The following MCTP1 variants were observed in gnomAD, a reference collection of about 807,000 sequenced individuals.
MCTP1 encodes multiple C2 and transmembrane domain-containing protein 1.
In MCTP1, 69 loss-of-function variants were observed where a neutral mutation model predicts 120.6. The ratio of observed to expected loss-of-function variants is 0.57; its 90% confidence interval spans 0.47 to 0.70. The LOEUF (loss-of-function observed/expected upper bound fraction) is 0.70. Ranked by LOEUF, MCTP1 falls within the 30% of genes least tolerant of loss-of-function variation. The pLI is 0.00. For missense variants in MCTP1, 1,203 were observed against 1,248.8 expected, an observed-to-expected ratio of 0.96 and a Z score of 0.55; for synonymous variants, 529 against 493.1, an observed-to-expected ratio of 1.07 and a Z score of -0.96.
chr5:95,170,643 T>G (rs568756039), intron 1 of MCTP1, among the ~76,000 whole-genome samples: 67 of 152,344 alleles, frequency 4.4e-4, no homozygotes, highest in African/African-American at 1.6e-3. Context: ...CTTGTTGAAT[T>G]GATCCCTTTA....
At chr5:94,942,252 A>C in intron 4 of MCTP1, 96 bp downstream of exon 4, 1 of 870,564 alleles carries the variant, frequency 1.1e-6, no homozygotes, top group Admixed American at 2.0e-5. Flanking sequence ...CACCACTATA[A>C]ATGACAGAAC....
At chr5:94,870,546 G>A in intron 15 of MCTP1, 55 bp from the exon 16 acceptor site, 3 of 1,270,208 alleles carry the variant, frequency 2.4e-6, no homozygotes, top group Non-Finnish European at 3.4e-6. Context: ...ATGTTTACAA[G>A]TTTTTCACGC....
chr5:95,171,465 T>G lies in MCTP1; in HGVS notation c.720+112391A>C, dbSNP rs539832240. Reference sequence around the variant, plus strand: ...GAATTTGAATGTTGGCCTGCCTTGCTAGGTTGGGGAAGTTCTCCTGGATAA... The same window carrying G: ...GAATTTGAATGTTGGCCTGCCTTGCGAGGTTGGGGAAGTTCTCCTGGATAA... On this transcript the variant is annotated intron_variant, in intron 1 of 22. Transcript: ENST00000515393. Among the ~76,000 whole-genome samples the G allele has an allele frequency of 4.3e-3, 654 of 152,350 alleles. 5 individuals carry two copies. Among genetic ancestry groups the G allele is most frequent in the African/African-American group, 0.015 (612 of 41,580 alleles).
intron 1 of MCTP1, among the ~76,000 whole-genome samples, chr5:95,086,338 C>T (rs1232149729): frequency 6.6e-6 from 1 of 152,048 alleles, no homozygotes; most frequent in Non-Finnish European, 1.5e-5. Flanking sequence ...AAGAAAAATA[C>T]TTGGAGGCAG....
chr5:94,740,465 A>G (rs922169416), intron 19 of MCTP1, among the ~76,000 whole-genome samples: 1 of 152,224 alleles, frequency 6.6e-6, no homozygotes, highest in Admixed American at 6.5e-5. Context: ...GGGGAAATCT[A>G]GAAGTTAAGT....
chr5:95,231,955 C>A (rs1047952176), intron 1 of MCTP1, among the ~76,000 whole-genome samples: 1 of 152,002 alleles, frequency 6.6e-6, no homozygotes, highest in African/African-American at 2.4e-5. Context: ...AACCTTAGTT[C>A]TTTTGTCATT....
intron 1 of MCTP1, among the ~76,000 whole-genome samples, chr5:95,099,008 A>G (rs1490338338): frequency 6.6e-6 from 1 of 152,058 alleles, no homozygotes; most frequent in Non-Finnish European, 1.5e-5. Flanking sequence ...CCTGAGAAAA[A>G]CAAGCAATGG....
intron 19 of MCTP1, among the ~76,000 whole-genome samples, chr5:94,742,037 G>A (rs552331650): frequency 2.0e-5 from 3 of 152,166 alleles, no homozygotes; most frequent in African/African-American, 7.2e-5. Context: ...GTGTTTGAAC[G>A]ACACTGTATA....
intron 19 of MCTP1, among the ~76,000 whole-genome samples, chr5:94,742,219 CTAT>C (rs1384127795): frequency 4.6e-5 from 7 of 151,972 alleles, no homozygotes; most frequent in Non-Finnish European, 8.8e-5. Context: ...TTTAAATTTT[CTAT>C]TATTATTTTT....
At chr5:95,039,003 GTT>G (rs5869668) in intron 1 of MCTP1, among the ~76,000 whole-genome samples, 5 of 147,866 alleles carry the variant, frequency 3.4e-5, no homozygotes, top group Admixed American at 6.7e-5. Context: ...GGTTCTGGTA[GTT>G]TTTTTTTTTC....
At chr5:94,950,863 C>T (rs1017900015) in intron 3 of MCTP1, among the ~76,000 whole-genome samples, 4 of 150,332 alleles carry the variant, frequency 2.7e-5, no homozygotes, top group East Asian at 2.0e-4. Context: ...AGGAGAAAGG[C>T]GTGAACTCAG....
At chr5:94,822,901 G>T (rs555167322) in intron 17 of MCTP1, among the ~76,000 whole-genome samples, 20 of 151,296 alleles carry the variant, frequency 1.3e-4, no homozygotes, top group Non-Finnish European at 2.4e-4. Context: ...TTTTGATGGG[G>T]TTTTTTCTTG....
chr5:94,851,386 A>G (rs140139196), intron 17 of MCTP1, among the ~76,000 whole-genome samples: 207 of 152,128 alleles, frequency 1.4e-3, no homozygotes, highest in African/African-American at 4.8e-3. Context: ...ACAACATCTG[A>G]AAAGGTAGAG....
chr5:94,733,914 A>G (rs1367891809), intron 19 of MCTP1, among the ~76,000 whole-genome samples: 1 of 151,752 alleles, frequency 6.6e-6, no homozygotes, highest in Non-Finnish European at 1.5e-5. Flanking sequence ...CAGTGAGCCC[A>G]GATCGTGCCA....
At chr5:94,924,562 G>A (rs1561867025) in intron 6 of MCTP1, among the ~76,000 whole-genome samples, 1 of 152,142 alleles carries the variant, frequency 6.6e-6, no homozygotes. Context: ...AAAAAGGAAT[G>A]AATACTGAGA....
In MCTP1 at chr5:94,955,179, C is replaced by T. The variant is rs888594217; in HGVS notation, c.839-1818G>A. Among the ~76,000 whole-genome samples the T allele has an allele frequency of 2.3e-4, 35 of 152,176 alleles. 1 individual carries two copies. Among genetic ancestry groups the T allele is most frequent in the Non-Finnish European group, 2.6e-4 (18 of 68,022 alleles). On this transcript the variant is annotated intron_variant, in intron 2 of 22. Transcript: ENST00000515393. ...AGTGCAAGGGTTCGGGGAACTCCTT[C>T]CCCTACCCAAGGAAAGCTGTGAGGG...
chr5:95,003,299 T>C (rs1265798108), intron 2 of MCTP1, among the ~76,000 whole-genome samples: 1 of 152,206 alleles, frequency 6.6e-6, no homozygotes, highest in Non-Finnish European at 1.5e-5. Flanking sequence ...CAGGTTTAGA[T>C]ATACAAATAC....
chr5:94,912,454 A>G (rs1808933466), intron 9 of MCTP1, among the ~76,000 whole-genome samples: 3 of 115,340 alleles, frequency 2.6e-5, no homozygotes, highest in Admixed American at 9.4e-5. Context: ...AAAAAAAAAA[A>G]AAAAAAAAAA....
intron 19 of MCTP1, among the ~76,000 whole-genome samples, chr5:94,737,013 A>T (rs191855561): frequency 5.3e-5 from 8 of 152,114 alleles, no homozygotes; most frequent in Admixed American, 4.6e-4. Context: ...TGGAGACAGG[A>T]TCTTGCTCTT....
Sources: allele counts gnomAD v4.1 joint callset (sites outside exome capture counted in the v4.1 genomes callset), GRCh38; gene constraint gnomAD v4.1.1; transcripts MANE v1.5; gene names NCBI Gene and HGNC (gene_info 2026-07-23, HGNC 2026-07-21).